Variants in CDH4 observed in about 807,000 individuals in gnomAD.
CDH4 encodes cadherin 4, also known as cadherin-4.
CDH4 carries 33 observed loss-of-function variants against 86.0 expected under a neutral mutation model. The ratio of observed to expected loss-of-function variants is 0.38; its 90% CI spans 0.29 to 0.51. CDH4 has a LOEUF of 0.51. Among genes scored for constraint, CDH4 ranks in the 20% least tolerant of loss-of-function variants. CDH4 has a pLI of 0.86. For synonymous variants in CDH4, 555 were observed against 549.4 expected (o/e 1.01, Z -0.14); for missense variants, 1,114 against 1,307.4 (o/e 0.85, Z 2.28).
At position 61,252,836 on chromosome 20, in the gene CDH4, CG is replaced by C. The variant is rs1455447940; in HGVS notation, c.57+267del. On this transcript the variant is annotated intron_variant, in intron 1 of 15. Transcript: ENST00000614565. The surrounding 1 kb of genome is among the most constrained non-coding windows in gnomAD (Gnocchi z 4.4). The stretch of plus-strand genomic sequence containing the variant: ...CGGGGAGCTCCGCCTGCACCGGACC[CG>C]CCGAGCCTCCCTCGAACGCCCAAAG... Among the ~76,000 whole-genome samples the C allele has an allele frequency of 6.6e-6, 1 of 151,796 alleles. No homozygotes were observed. The highest frequency in any genetic ancestry group is 2.4e-5 in the African/African-American group (1 of 41,398).
At chr20:61,550,906 A>G (rs904375789) in intron 2 of CDH4, among the ~76,000 whole-genome samples, 1 of 152,224 alleles carries the variant, frequency 6.6e-6, no homozygotes, top group African/African-American at 2.4e-5. Context: ...CGCACAGGCC[A>G]GTGCGCAGAC....
intron 2 of CDH4, among the ~76,000 whole-genome samples, chr20:61,604,650 A>G (rs988222458): frequency 2.7e-5 from 4 of 150,376 alleles, no homozygotes; most frequent in Admixed American, 2.0e-4. Context: ...TTACTGACGC[A>G]CTCCTTCCTG....
intron 2 of CDH4, among the ~76,000 whole-genome samples, chr20:61,712,524 GCTC>G (rs2087904457): frequency 6.6e-6 from 1 of 152,106 alleles, no homozygotes; most frequent in South Asian, 2.1e-4. Flanking sequence ...GCCCTGCCCA[GCTC>G]CTCCTCTTCT....
chr20:61,412,850 G>C (rs951626510), intron 2 of CDH4, among the ~76,000 whole-genome samples: 6 of 152,198 alleles, frequency 3.9e-5, no homozygotes, highest in African/African-American at 1.4e-4. Flanking sequence ...AGCAGGAGGG[G>C]CAGAGTCAGC....
intron 2 of CDH4, among the ~76,000 whole-genome samples, chr20:61,468,789 A>C (rs1402557076): frequency 6.6e-6 from 1 of 152,208 alleles, no homozygotes; most frequent in African/African-American, 2.4e-5. Flanking sequence ...AACTCCCAGA[A>C]ATAAGTGAGA....
intron 1 of CDH4, among the ~76,000 whole-genome samples, chr20:61,253,530 G>C (rs1306286330): frequency 6.6e-6 from 1 of 152,076 alleles, no homozygotes; most frequent in Non-Finnish European, 1.5e-5. Context: ...TGCCAGCGGC[G>C]GGAGGCCCGC....
chr20:61,372,934 A>C (rs2084848359), intron 2 of CDH4, among the ~76,000 whole-genome samples: 1 of 152,276 alleles, frequency 6.6e-6, no homozygotes, highest in Admixed American at 6.5e-5. Flanking sequence ...ACGCAACCCC[A>C]GCCCCGTGCC....
At chr20:61,265,275 A>C (rs890335508) in intron 2 of CDH4, among the ~76,000 whole-genome samples, 9 of 149,846 alleles carry the variant, frequency 6.0e-5, no homozygotes, top group African/African-American at 2.2e-4. Flanking sequence ...TCAGTCCTAC[A>C]CGTACCTCAG....
At chr20:61,756,076 C>T (rs987334513) in intron 3 of CDH4, among the ~76,000 whole-genome samples, 1 of 152,234 alleles carries the variant, frequency 6.6e-6, no homozygotes, top group Non-Finnish European at 1.5e-5. Context: ...GTGGGCCGAG[C>T]TCTCATGCCT....
chr20:61,885,473 C>T (rs1264483803), intron 7 of CDH4, among the ~76,000 whole-genome samples: 6 of 152,236 alleles, frequency 3.9e-5, no homozygotes, highest in Non-Finnish European at 2.9e-5. Flanking sequence ...TTTCATGCCT[C>T]TTAATGGCTG....
At chr20:61,348,112 C>T (rs984142108) in intron 2 of CDH4, among the ~76,000 whole-genome samples, 2 of 152,200 alleles carry the variant, frequency 1.3e-5, no homozygotes, top group Admixed American at 1.3e-4. Flanking sequence ...TTAGTCTGTT[C>T]TTACACTGCT....
intron 8 of CDH4, among the ~76,000 whole-genome samples, chr20:61,897,968 T>C (rs1985209763): frequency 6.6e-6 from 1 of 152,192 alleles, no homozygotes; most frequent in African/African-American, 2.4e-5. Context: ...TGCTAGTGGG[T>C]GGACAATGGA....
chr20:61,283,515 GGT>G lies in CDH4; in HGVS notation c.169+28584_169+28585del, dbSNP rs1182330869. ...AGGTGCATTTGCACGCGTGTGCTGTGGTGTGTGATGTAGGTGCATTTACACGC... is the reference window on the plus strand; with the variant it reads ...AGGTGCATTTGCACGCGTGTGCTGTGGTGTGATGTAGGTGCATTTACACGC... On this transcript the variant is annotated intron_variant, in intron 2 of 15. Transcript: ENST00000614565. Among the ~76,000 whole-genome samples, 45 of 125,376 alleles carry G rather than the reference GGT, an allele frequency of 3.6e-4. 6 individuals are homozygous for G. Among genetic ancestry groups the G allele is most frequent in the African/African-American group, 1.3e-3 (44 of 33,816 alleles). 82.3% of individuals were successfully genotyped at this position (125,376 alleles called of 152,430 possible).
chr20:61,839,550 TGTTG>T (rs1392840222), intron 4 of CDH4, among the ~76,000 whole-genome samples: 1 of 151,476 alleles, frequency 6.6e-6, no homozygotes, highest in Non-Finnish European at 1.5e-5. Flanking sequence ...GTATTGTGTG[TGTTG>T]TGTGTGCATA....
intron 2 of CDH4, among the ~76,000 whole-genome samples, chr20:61,667,392 A>T (rs2087338635): frequency 6.6e-6 from 1 of 152,244 alleles, no homozygotes; most frequent in Non-Finnish European, 1.5e-5. Context: ...CTCTTGACAG[A>T]TGAGGAAACC....
intron 3 of CDH4, among the ~76,000 whole-genome samples, chr20:61,769,456 G>C (rs895532684): frequency 6.6e-6 from 1 of 152,214 alleles, no homozygotes; most frequent in African/African-American, 2.4e-5. Flanking sequence ...TTCCCCATCT[G>C]TTCCATGGGA....
chr20:61,573,012 TGATGGATGGATGGATGGTTG>T (rs1568692519), intron 2 of CDH4, among the ~76,000 whole-genome samples: 209 of 131,356 alleles, frequency 1.6e-3, no homozygotes, highest in African/African-American at 5.8e-3. Flanking sequence ...ATGGATGGAT[TGATGGATGGATGGATGGTTG>T]GATGGATGGA....
At chr20:61,866,550 C>T (rs908037200) in intron 6 of CDH4, among the ~76,000 whole-genome samples, 1 of 152,124 alleles carries the variant, frequency 6.6e-6, no homozygotes, top group Non-Finnish European at 1.5e-5. Flanking sequence ...CCTTTCATTT[C>T]TTTGATCAAT....
Position 61,703,155 on chromosome 20 carries a change from T to C in CDH4, c.170-40408T>C, listed in dbSNP as rs1749631328. ...TAGAAATGCGGCAGAGACCAAGCTG[T>C]GATCAGAAGTGGGGGCTCTTGGACG... On this transcript the variant is annotated intron_variant, in intron 2 of 15. Coordinates refer to ENST00000614565, the MANE Select transcript of CDH4 (RefSeq NM_001794.5). This position sits in a 1 kb window ranked among gnomAD's most constrained non-coding sequence, Gnocchi z 4.3. Among the ~76,000 whole-genome samples, 1 of 152,194 alleles carries C rather than the reference T, an allele frequency of 6.6e-6. No individual in the cohort carries two copies. Among genetic ancestry groups the C allele is most frequent in the African/African-American group, 2.4e-5 (1 of 41,442 alleles).
Sources: gnomAD v4.1 joint callset for allele counts (sites outside exome capture counted in the v4.1 genomes callset) on GRCh38, gnomAD v4.1.1 for gene constraint, Gnocchi (gnomAD v3.1) non-coding constraint, MANE v1.5 for transcripts, NCBI Gene and HGNC (gene_info 2026-07-23, HGNC 2026-07-21) for gene names.